STEAP4: variants seen among roughly 807,000 people sequenced by gnomAD.
STEAP4 encodes the protein STEAP4 metalloreductase.
STEAP4 carries 36 observed loss-of-function variants against 43.6 expected under a neutral mutation model. The observed-to-expected ratio is 0.83, with a 90% confidence interval of 0.63 to 1.09. The LOEUF (loss-of-function observed/expected upper bound fraction) is 1.09, where lower values mean the gene tolerates loss of function less well. Ranked by LOEUF, STEAP4 falls within the 50% of genes least tolerant of loss-of-function variation. The pLI, the probability that STEAP4 is intolerant of heterozygous loss-of-function variation, is 0.00. For missense variants in STEAP4, 495 were observed against 546.5 expected (o/e 0.91, Z 0.94); for synonymous variants, 191 against 196.7 (o/e 0.97, Z 0.24).
rs1280851343 is a variant in STEAP4, at chr7:88,277,398, A to G, written c.*2000T>C. ...GCGATGAAAGCAACACCCTCATCCA[A>G]TGGTAATTAAATTGATAAGGTCACT... On this transcript the variant is annotated 3_prime_UTR_variant, in exon 5 of 5. Transcript: ENST00000380079. The G allele has an allele frequency of 1.3e-5, 2 of 152,214 alleles. No homozygotes were observed. The highest frequency in any genetic ancestry group is 1.5e-5 in the Non-Finnish European group (1 of 68,038). 9.4% of individuals were successfully genotyped at this position (152,214 alleles called of 1,614,324 possible). A position where few individuals can be genotyped will look rare whatever the true frequency, so the allele number is the denominator to read the frequency against.
chr7:88,283,666 G>A (rs1051373040), intron 2 of STEAP4, 148 bp downstream of exon 2: 8 of 887,848 alleles, frequency 9.0e-6, no homozygotes, highest in Admixed American at 2.9e-5. Flanking sequence ...ATTTGGTCAA[G>A]CTCAAGAAAA....
At chr7:88,284,919 G>A (rs1852702000) in intron 1 of STEAP4, among the ~76,000 whole-genome samples, 1 of 151,986 alleles carries the variant, frequency 6.6e-6, no homozygotes, top group African/African-American at 2.4e-5. Context: ...CTAAAATTCA[G>A]CATTATGCCT....
intron 1 of STEAP4, among the ~76,000 whole-genome samples, chr7:88,297,437 A>G (rs1025187466): frequency 2.6e-5 from 4 of 152,160 alleles, no homozygotes; most frequent in African/African-American, 9.7e-5. Flanking sequence ...ACTGTTTAGC[A>G]TAAATCTCTC....
chr7:88,291,551 C>A (rs1852834605), intron 1 of STEAP4, among the ~76,000 whole-genome samples: 1 of 150,982 alleles, frequency 6.6e-6, no homozygotes, highest in African/African-American at 2.4e-5. Context: ...CAAGGGAGAT[C>A]AAGTTGAGGG....
At position 88,280,942 on chromosome 7, in the gene STEAP4, G is replaced by A; in HGVS notation, c.1122C>T (p.Val374=). 6.2e-7 allele frequency: 1 copy of A among 1,610,940 alleles called. No individual in the cohort carries two copies. Among genetic ancestry groups the A allele is most frequent in the African/African-American group, 1.3e-5 (1 of 74,818 alleles). The change falls in exon 4 of 5, where the codon GTC becomes GTT. Residue 374 remains valine, a synonymous_variant. Transcript: ENST00000380079. ...ITSLPSVSNA[V]NWREFRFVQS... ...GGACAAATCGGAACTCTCTCCAGTT[G>A]ACTGCATTGCTAACAGATGGCAAAG...
chr7:88,302,317 C>T (rs187264418), intron 1 of STEAP4, among the ~76,000 whole-genome samples: 1 of 152,166 alleles, frequency 6.6e-6, no homozygotes, highest in South Asian at 2.1e-4. Context: ...GAGCTTTGGT[C>T]TTGGGAAAGA....
rs10046469 is a variant in STEAP4, at chr7:88,274,094, G to C, written c.*5304C>G. On this transcript the variant is annotated 3_prime_UTR_variant, in exon 5 of 5. Transcript: ENST00000380079. ...ATATCGTTGTGTTAAAAGGAGATGG[G>C]CCTGGAGTCAGACTGCCTAGATCCC... 0.16 allele frequency: 24,263 copies of C among 152,148 alleles called. 2,086 individuals are homozygous for C. Among genetic ancestry groups the C allele is most frequent in the Non-Finnish European group, 0.2 (13,575 of 67,984 alleles). The allele number at this position is 152,148 out of a possible 1,614,324, so 9.4% of individuals were successfully genotyped here.
intron 1 of STEAP4, among the ~76,000 whole-genome samples, chr7:88,301,382 C>G (rs6955914): frequency 6.4e-4 from 97 of 152,286 alleles, no homozygotes; most frequent in African/African-American, 2.3e-3. Flanking sequence ...AAGAGATCTT[C>G]CCACTTCCGC....
rs1305743392 is a variant in STEAP4 at position 88,283,044 on chromosome 7, AG to A, written c.580del (p.Leu194CysfsTer27). 1.9e-6 allele frequency: 3 copies of A among 1,613,662 alleles called. No homozygotes were observed. Among genetic ancestry groups the A allele is most frequent in the South Asian group, 1.1e-5 (1 of 91,032 alleles). The stretch of plus-strand genomic sequence containing the variant: ...GAACCTCCACATTGGAAATAGCTGC[AG>A]GGGGTACTTTTCAATTTCTTTGGCT... Reference protein sequence around the residue: ...MAAKEIEKYPLQLFPMWRFPF... With the variant: ...MAAKEIEKYPXQLFPMWRFPF... On this transcript the variant is annotated frameshift_variant, in exon 3 of 5. Coordinates refer to ENST00000380079, the MANE Select transcript of STEAP4 (RefSeq NM_024636.4). LOFTEE classifies it high-confidence loss of function.
chr7:88,281,159 C>T (rs1390566557), intron 3 of STEAP4, 80 bp from the exon 4 acceptor site: 68 of 1,200,044 alleles, frequency 5.7e-5, no homozygotes, highest in Non-Finnish European at 7.2e-5. Flanking sequence ...TGACAGTGGG[C>T]ACAAATTATT....
intron 1 of STEAP4, among the ~76,000 whole-genome samples, chr7:88,303,691 C>A (rs890536436): frequency 1.3e-5 from 2 of 152,098 alleles, no homozygotes; most frequent in Non-Finnish European, 2.9e-5. Context: ...ATAGTGTGTT[C>A]TTTTGCAATG....
intron 1 of STEAP4, chr7:88,290,470 T>G (rs981020809): frequency 7.2e-5 from 11 of 152,118 alleles, no homozygotes; most frequent in African/African-American, 2.2e-4. Flanking sequence ...AGAAGTATCA[T>G]GAAGGGAGCA....
chr7:88,287,761 G>A (rs1301909772), intron 1 of STEAP4, among the ~76,000 whole-genome samples: 2 of 152,168 alleles, frequency 1.3e-5, no homozygotes, highest in Non-Finnish European at 2.9e-5. Context: ...GGAGCAATCT[G>A]GGGAAGGTCA....
chr7:88,284,982 C>T (rs1292160540), intron 1 of STEAP4, among the ~76,000 whole-genome samples: 2 of 152,064 alleles, frequency 1.3e-5, no homozygotes, highest in African/African-American at 4.8e-5. Context: ...ACAAATACAT[C>T]TGCTATGACC....
rs186702678 is a variant in STEAP4, at chr7:88,292,094, C to T, written c.-2-7823G>A. On this transcript the variant is annotated intron_variant, in intron 1 of 4. Transcript: ENST00000380079. ...CTGAGAAACCATGTGTGTGTGTGCG[C>T]GCGCGTGTGTGTGTGTGTATGTGAG... 749 of 152,322 alleles carry T rather than the reference C, an allele frequency of 4.9e-3. 4 individuals carry two copies. The highest frequency in any genetic ancestry group is 8.2e-3 in the Non-Finnish European group (559 of 68,190). The allele number at this position is 152,322 out of a possible 1,614,324, so 9.4% of individuals were successfully genotyped here.
chr7:88,291,647 AC>A (rs1318439959), intron 1 of STEAP4, among the ~76,000 whole-genome samples: 1 of 152,200 alleles, frequency 6.6e-6, no homozygotes, highest in Non-Finnish European at 1.5e-5. Flanking sequence ...GTGTAAATAT[AC>A]GTTCATGGAG....
At position 88,282,863 on chromosome 7, in the gene STEAP4, C is replaced by T. The variant is rs756275696; in HGVS notation, c.762G>A (p.Leu254=). The T allele has an allele frequency of 6.2e-7, 1 of 1,614,094 alleles. No homozygotes were observed. The highest frequency in any genetic ancestry group is 1.7e-5 in the Admixed American group (1 of 60,002). The change falls in exon 3 of 5, where the codon CTG becomes CTA. Residue 254 remains leucine, a synonymous_variant. Coordinates refer to ENST00000380079, the MANE Select transcript of STEAP4 (RefSeq NM_024636.4). ...CACCAGGGAGGTAAACCAAAGCAAG[C>T]AGTGTAAGTGCTGTTATTGGAAAGA... ...NRIFPITALT[L]LALVYLPGVI...
intron 1 of STEAP4, among the ~76,000 whole-genome samples, chr7:88,284,831 T>G (rs1266341789): frequency 1.3e-5 from 2 of 152,176 alleles, no homozygotes; most frequent in African/African-American, 4.8e-5. Flanking sequence ...CTGTTAAAAT[T>G]CAACATTTAT....
chr7:88,286,796 CACACACACACACGCAA>C (rs1385426291), intron 1 of STEAP4, among the ~76,000 whole-genome samples: 71 of 147,540 alleles, frequency 4.8e-4, no homozygotes, highest in Admixed American at 6.7e-4. Context: ...CACACACACA[CACACACACACACGCAA>C]ACAATGTAAG....
Sources: gnomAD v4.1 joint callset for allele counts (sites outside exome capture counted in the v4.1 genomes callset) on GRCh38, gnomAD v4.1.1 for gene constraint, MANE v1.5 for transcripts, NCBI Gene and HGNC (gene_info 2026-07-23, HGNC 2026-07-21) for gene names.